The following INPP4B variants were observed in gnomAD, a reference collection of about 807,000 sequenced individuals.
INPP4B encodes inositol polyphosphate 4-phosphatase type II.
INPP4B carries 55 observed loss-of-function variants against 122.5 expected under a neutral mutation model. That is an observed-to-expected ratio of 0.45 (90% confidence interval 0.36 to 0.56). The LOEUF (loss-of-function observed/expected upper bound fraction) is 0.56, where lower values mean the gene tolerates loss of function less well. Ranked by LOEUF, INPP4B falls within the 20% of genes least tolerant of loss-of-function variation. The pLI, the probability that INPP4B is intolerant of heterozygous loss-of-function variation, is 0.00. For missense variants in INPP4B, 1,000 were observed against 1,097.7 expected (o/e 0.91, Z 1.26); for synonymous variants, 403 against 388.7 (o/e 1.04, Z -0.43).
At chr4:142,298,683 C>CAAAAAAAAA (rs386401712) in intron 9 of INPP4B, among the ~76,000 whole-genome samples, 1 of 66,450 alleles carries the variant, frequency 1.5e-5, no homozygotes, top group Non-Finnish European at 2.6e-5. Flanking sequence ...GACTCTGTCT[C>CAAAAAAAAA]AAAAAAAAAA....
intron 2 of INPP4B, among the ~76,000 whole-genome samples, chr4:142,555,827 T>C (rs7664281): frequency 0.4 from 58,148 of 146,478 alleles, 12,618 homozygotes; most frequent in East Asian, 0.81. Flanking sequence ...GCCAAGATCA[T>C]GCCACTGCAC....
intron 2 of INPP4B, among the ~76,000 whole-genome samples, chr4:142,603,600 C>T (rs931797646): frequency 2.0e-5 from 3 of 151,738 alleles, no homozygotes; most frequent in Non-Finnish European, 4.4e-5. Flanking sequence ...TGAGAACAAA[C>T]TGGAAAACCT....
chr4:142,212,424 C>T (rs959230827), intron 12 of INPP4B, among the ~76,000 whole-genome samples: 4 of 152,172 alleles, frequency 2.6e-5, no homozygotes, highest in Admixed American at 2.0e-4. Flanking sequence ...GACCTAAATC[C>T]TGATGAATTA....
At chr4:142,036,855 A>G (rs546140769) in intron 25 of INPP4B, among the ~76,000 whole-genome samples, 1 of 152,344 alleles carries the variant, frequency 6.6e-6, no homozygotes, top group Non-Finnish European at 1.5e-5. Flanking sequence ...GTATCAGAGT[A>G]GACACAGGTG....
chr4:142,762,652 G>A (rs576338067), intron 1 of INPP4B, among the ~76,000 whole-genome samples: 7 of 152,260 alleles, frequency 4.6e-5, no homozygotes, highest in East Asian at 1.9e-4. Flanking sequence ...CAACAAGTAC[G>A]TTATCTTCCA....
intron 2 of INPP4B, among the ~76,000 whole-genome samples, chr4:142,713,722 A>G (rs1163912091): frequency 6.6e-6 from 1 of 152,136 alleles, no homozygotes; most frequent in African/African-American, 2.4e-5. Flanking sequence ...TCCACCCTTG[A>G]GTGTCCCTGG....
chr4:142,160,411 T>A lies in INPP4B; in HGVS notation c.1510A>T (p.Met504Leu), dbSNP rs746650327. The change falls in exon 17 of 26, where the codon ATG becomes TTG. Residue 504 changes from methionine (M) to leucine (L), a missense_variant. Transcript: ENST00000262992. ...TGTGGTATGGAGTCCTGCCCTCTCA[T>A]CACTGGGGGTTGGTCTTGGGGACTG... ...ESSPQDQPPVMRGQDSIPHHS... is the reference protein window; with the variant it reads ...ESSPQDQPPVLRGQDSIPHHS... 5 of 1,604,300 alleles carry A rather than the reference T, an allele frequency of 3.1e-6. 1 individual carries two copies. The South Asian group carries it at 5.5e-5, about 18-fold the overall frequency.
chr4:142,515,492 G>A (rs528105737), intron 2 of INPP4B, among the ~76,000 whole-genome samples: 6 of 152,136 alleles, frequency 3.9e-5, no homozygotes, highest in African/African-American at 1.4e-4. Context: ...TTGAAGTCCA[G>A]AACTCTGCAC....
intron 1 of INPP4B, among the ~76,000 whole-genome samples, chr4:142,737,221 G>T (rs865910378): frequency 1.3e-5 from 2 of 152,062 alleles, no homozygotes; most frequent in Non-Finnish European, 2.9e-5. Flanking sequence ...ATACTACAAG[G>T]CTACAGTAAC....
intron 1 of INPP4B, among the ~76,000 whole-genome samples, chr4:142,765,193 C>A (rs979474938): frequency 3.9e-5 from 6 of 152,000 alleles, no homozygotes; most frequent in African/African-American, 1.5e-4. Flanking sequence ...GGAATGGCCC[C>A]AAATTAGAGA....
intron 2 of INPP4B, among the ~76,000 whole-genome samples, chr4:142,511,804 A>G (rs931183056): frequency 9.2e-5 from 14 of 152,188 alleles, no homozygotes; most frequent in Non-Finnish European, 1.6e-4. Flanking sequence ...GAGTTAAAAG[A>G]ATATTTGCAT....
At chr4:142,735,834 A>G (rs1169264155) in intron 1 of INPP4B, among the ~76,000 whole-genome samples, 1 of 152,036 alleles carries the variant, frequency 6.6e-6, no homozygotes, top group Non-Finnish European at 1.5e-5. Context: ...TGCATTCGTT[A>G]GAATTTTAAA....
At chr4:142,380,927 C>T (rs1793871471) in intron 7 of INPP4B, among the ~76,000 whole-genome samples, 1 of 152,036 alleles carries the variant, frequency 6.6e-6, no homozygotes, top group Non-Finnish European at 1.5e-5. Context: ...TTTAGAGCTC[C>T]AATTTATTAC....
chr4:142,781,972 A>G (rs187889263), intron 1 of INPP4B, among the ~76,000 whole-genome samples: 133 of 151,530 alleles, frequency 8.8e-4, no homozygotes, highest in African/African-American at 3.1e-3. Flanking sequence ...TATTTTTTTT[A>G]TTTTTTAATT....
intron 2 of INPP4B, among the ~76,000 whole-genome samples, chr4:142,555,794 C>A (rs9996162): frequency 0.031 from 4,609 of 150,208 alleles, 237 homozygotes; most frequent in African/African-American, 0.11. Flanking sequence ...TGGCGTGAAC[C>A]CGGGAGGCAG....
chr4:142,059,093 T>A (rs1353126916), intron 25 of INPP4B, among the ~76,000 whole-genome samples: 3 of 152,188 alleles, frequency 2.0e-5, no homozygotes, highest in African/African-American at 4.8e-5. Flanking sequence ...GGTCATTACT[T>A]TGTCAGAGAA....
At chr4:142,377,127 A>AAGTTG (rs1554045085) in intron 7 of INPP4B, among the ~76,000 whole-genome samples, 1 of 150,588 alleles carries the variant, frequency 6.6e-6, no homozygotes, top group Non-Finnish European at 1.5e-5. Flanking sequence ...CTAACTGGTT[A>AAGTTG]TTTTTTTCTC....
intron 1 of INPP4B, among the ~76,000 whole-genome samples, chr4:142,754,051 C>A (rs1299248927): frequency 1.3e-5 from 2 of 152,004 alleles, no homozygotes; most frequent in Non-Finnish European, 1.5e-5. Context: ...ACTGAAAAAT[C>A]AGAATCACAA....
At chr4:142,551,685 A>G (rs2150078818) in intron 2 of INPP4B, among the ~76,000 whole-genome samples, 1 of 152,336 alleles carries the variant, frequency 6.6e-6, no homozygotes, top group African/African-American at 2.4e-5. Context: ...GTAGAACTGT[A>G]GCAGGATGCT....
Sources: gnomAD v4.1 joint callset for allele counts (sites outside exome capture counted in the v4.1 genomes callset) on GRCh38, gnomAD v4.1.1 for gene constraint, MANE v1.5 for transcripts, NCBI Gene and HGNC (gene_info 2026-07-23, HGNC 2026-07-21) for gene names.